The following CTDSPL variants were observed in gnomAD, a reference collection of about 807,000 sequenced individuals.
The protein encoded by CTDSPL is CTD small phosphatase-like protein.
Under a neutral mutation model 30.5 loss-of-function variants are expected in CTDSPL, and 8 were observed. The ratio of observed to expected loss-of-function variants is 0.26; its 90% confidence interval spans 0.15 to 0.47. The LOEUF is 0.47. Ranked by LOEUF, CTDSPL falls within the 20% of genes least tolerant of loss-of-function variation. The pLI, the probability that CTDSPL is intolerant of heterozygous loss-of-function variation, is 0.99. For missense variants in CTDSPL, 248 were observed against 366.1 expected (o/e 0.68, Z 2.63); for synonymous variants, 110 against 137.9 (o/e 0.80, Z 1.42).
At chr3:37,935,792 C>T (rs1698907989) in intron 1 of CTDSPL, among the ~76,000 whole-genome samples, 1 of 152,124 alleles carries the variant, frequency 6.6e-6, no homozygotes, top group South Asian at 2.1e-4. Flanking sequence ...TTCAGAGTTT[C>T]TCTATGGAAA....
intron 1 of CTDSPL, among the ~76,000 whole-genome samples, chr3:37,906,122 G>A (rs1406882881): frequency 6.6e-6 from 1 of 152,208 alleles, no homozygotes; most frequent in Non-Finnish European, 1.5e-5. Flanking sequence ...CTGTGCCCTG[G>A]AAGCCGACCA....
chr3:37,887,327 C>T (rs1412873751), intron 1 of CTDSPL, among the ~76,000 whole-genome samples: 1 of 152,146 alleles, frequency 6.6e-6, no homozygotes, highest in Non-Finnish European at 1.5e-5. Flanking sequence ...TAACCAAACC[C>T]AAACTGTCTG....
chr3:37,902,855 G>A (rs1698467360), intron 1 of CTDSPL, among the ~76,000 whole-genome samples: 1 of 152,196 alleles, frequency 6.6e-6, no homozygotes, highest in African/African-American at 2.4e-5. Context: ...GCTGTGGCAA[G>A]TGCTCACTGG....
At chr3:37,947,503 T>C (rs1575312533) in intron 2 of CTDSPL, among the ~76,000 whole-genome samples, 1 of 152,112 alleles carries the variant, frequency 6.6e-6, no homozygotes, top group African/African-American at 2.4e-5. Context: ...GAGGTTGCAG[T>C]GAGCCAAGAT....
intron 1 of CTDSPL, among the ~76,000 whole-genome samples, chr3:37,937,338 G>A (rs766737937): frequency 1.3e-5 from 2 of 150,328 alleles, no homozygotes; most frequent in Non-Finnish European, 3.0e-5. Flanking sequence ...CCCAGGGACA[G>A]ATCCCTCATG....
At chr3:37,868,070 A>G (rs1698032937) in intron 1 of CTDSPL, among the ~76,000 whole-genome samples, 1 of 152,172 alleles carries the variant, frequency 6.6e-6, no homozygotes, top group Admixed American at 6.5e-5. Flanking sequence ...TAGGGTATCC[A>G]TCACCTTGAG....
chr3:37,880,871 G>A (rs191236914), intron 1 of CTDSPL, among the ~76,000 whole-genome samples: 55 of 152,266 alleles, frequency 3.6e-4, no homozygotes, highest in Admixed American at 1.2e-3. Flanking sequence ...TAGATAGAAA[G>A]GAGTTTGTCA....
At position 37,980,955 on chromosome 3, in the gene CTDSPL, A is replaced by G; in HGVS notation, c.*88A>G. 1 of 1,469,012 alleles carries G rather than the reference A, an allele frequency of 6.8e-7. No individual in the cohort carries two copies. 91.0% of individuals were successfully genotyped at this position (1,469,012 alleles called of 1,614,324 possible). ...TGTCCTCAGCTCCCTGGGAGCTGAA[A>G]GTGAGGATACTCCGTGCTCCAGGCC... On this transcript the variant is annotated 3_prime_UTR_variant, in exon 8 of 8. Transcript: ENST00000273179.
intron 2 of CTDSPL, among the ~76,000 whole-genome samples, chr3:37,952,812 G>T (rs549758977): frequency 6.6e-6 from 1 of 152,196 alleles, no homozygotes; most frequent in Non-Finnish European, 1.5e-5. Context: ...ACACTAGTCA[G>T]TATGGGTTTG....
intron 1 of CTDSPL, among the ~76,000 whole-genome samples, chr3:37,914,317 A>G (rs1352740310): frequency 6.6e-6 from 1 of 152,208 alleles, no homozygotes; most frequent in Non-Finnish European, 1.5e-5. Flanking sequence ...TACACATACC[A>G]TTAAAATTCT....
chr3:37,930,116 G>GAA (rs758743705), intron 1 of CTDSPL, among the ~76,000 whole-genome samples: 18,648 of 119,750 alleles, frequency 0.16, 1,385 homozygotes, highest in African/African-American at 0.23. Context: ...CAAAAAAAAA[G>GAA]AAAAAAAAAA....
chr3:37,970,033 C>G (rs1699349041), intron 5 of CTDSPL, among the ~76,000 whole-genome samples: 1 of 152,140 alleles, frequency 6.6e-6, no homozygotes, highest in Admixed American at 6.5e-5. Context: ...TGTGACCTGC[C>G]TCTCACTTCA....
At chr3:37,885,591 C>G (rs1277173461) in intron 1 of CTDSPL, among the ~76,000 whole-genome samples, 1 of 152,054 alleles carries the variant, frequency 6.6e-6, no homozygotes, top group Non-Finnish European at 1.5e-5. Flanking sequence ...GAACCTGGAC[C>G]CTGGCAGAAG....
chr3:37,914,205 A>C (rs917168059), intron 1 of CTDSPL, among the ~76,000 whole-genome samples: 3 of 152,308 alleles, frequency 2.0e-5, no homozygotes, highest in African/African-American at 7.2e-5. Context: ...TGTAAATTGC[A>C]ACTGAAAATT....
chr3:37,863,635 G>T (rs1480022195), intron 1 of CTDSPL, among the ~76,000 whole-genome samples: 2 of 152,216 alleles, frequency 1.3e-5, no homozygotes, highest in Non-Finnish European at 2.9e-5. Flanking sequence ...GGATGAGTCA[G>T]ATTTCTTTCT....
At chr3:37,871,849 G>A (rs1698074580) in intron 1 of CTDSPL, among the ~76,000 whole-genome samples, 1 of 152,068 alleles carries the variant, frequency 6.6e-6, no homozygotes, top group Admixed American at 6.5e-5. Context: ...AATTTCTGTT[G>A]TTCTGTCTTC....
At chr3:37,872,114 C>A (rs951063907) in intron 1 of CTDSPL, among the ~76,000 whole-genome samples, 2 of 152,156 alleles carry the variant, frequency 1.3e-5, no homozygotes, top group Non-Finnish European at 2.9e-5. Context: ...ATCTCAGCCT[C>A]CTGAGTAGCT....
intron 1 of CTDSPL, among the ~76,000 whole-genome samples, chr3:37,900,529 A>G (rs149987440): frequency 2.6e-5 from 4 of 152,344 alleles, no homozygotes; most frequent in Non-Finnish European, 5.9e-5. Context: ...ACTTATTTAT[A>G]AGGACTTATG....
rs1441730287 is a variant in CTDSPL at position 37,984,308 on chromosome 3, G to A, written c.*3441G>A. Reference sequence around the variant, plus strand: ...CCGGGTAGTGGAGATGCTGGTGTCTGGGTAGTCATGGATTTCTGCTGGACA... The same window carrying A: ...CCGGGTAGTGGAGATGCTGGTGTCTAGGTAGTCATGGATTTCTGCTGGACA... On this transcript the variant is annotated 3_prime_UTR_variant, in exon 8 of 8. Transcript: ENST00000273179. The A allele has an allele frequency of 2.2e-6, 1 of 456,656 alleles. No individual in the cohort carries two copies. Among genetic ancestry groups the A allele is most frequent in the Non-Finnish European group, 4.4e-6 (1 of 227,004 alleles). The allele number at this position is 456,656 out of a possible 1,614,324, so 28.3% of individuals were successfully genotyped here.
Sources: allele counts gnomAD v4.1 joint callset (sites outside exome capture counted in the v4.1 genomes callset), GRCh38; gene constraint gnomAD v4.1.1; transcripts MANE v1.5; gene names NCBI Gene and HGNC (gene_info 2026-07-23, HGNC 2026-07-21).